CD86: variants seen among roughly 807,000 people sequenced by gnomAD.
CD86 encodes T-lymphocyte activation antigen CD86.
In CD86, 11 loss-of-function variants were observed where a neutral mutation model predicts 32.1. That is an observed-to-expected ratio of 0.34 (90% CI 0.22 to 0.57). CD86 has a LOEUF of 0.57. CD86 is among the 20% of genes least tolerant of loss of function. The pLI is 0.86. For missense variants in CD86, 359 were observed against 398.4 expected, an observed-to-expected ratio of 0.90 and a Z score of 0.84; for synonymous variants, 137 against 135.3, an observed-to-expected ratio of 1.01 and a Z score of -0.09.
intron 5 of CD86, among the ~76,000 whole-genome samples, chr3:122,115,191 C>A (rs2073231068): frequency 1.3e-5 from 2 of 151,982 alleles, no homozygotes; most frequent in South Asian, 4.2e-4. Flanking sequence ...AGTCAATACA[C>A]AAAATCAATT....
chr3:122,078,867 C>T (rs2072590574), intron 1 of CD86, among the ~76,000 whole-genome samples: 1 of 152,218 alleles, frequency 6.6e-6, no homozygotes, highest in African/African-American at 2.4e-5. Context: ...AATCTTGGGA[C>T]TAAGGCCCTG....
At position 122,103,830 on chromosome 3, in the gene CD86, C is replaced by T; in HGVS notation, c.383C>T (p.Ser128Phe). The T allele has an allele frequency of 6.2e-7, 1 of 1,613,270 alleles. No individual in the cohort carries two copies. The highest frequency in any genetic ancestry group is 8.5e-7 in the Non-Finnish European group (1 of 1,179,358). ...TGMIRIHQMN[S>F]ELSVLANFSQ... The stretch of plus-strand genomic sequence containing the variant: ...ATGATTCGCATCCACCAGATGAATT[C>T]TGAACTGTCAGTGCTTGGTATGTGG... Residue 128 changes from serine to phenylalanine, a missense_variant, in exon 3 of 7, where the codon TCT becomes TTT. Physicochemically the swap from Ser to Phe is radical, Grantham distance 155. Coordinates refer to ENST00000330540, the MANE Select transcript of CD86 (RefSeq NM_175862.5).
chr3:122,058,964 G>A (rs1204218132), intron 1 of CD86, among the ~76,000 whole-genome samples: 1 of 152,106 alleles, frequency 6.6e-6, no homozygotes, highest in Non-Finnish European at 1.5e-5. Flanking sequence ...TAGACACTGG[G>A]AGAGGAGGAG....
intron 2 of CD86, among the ~76,000 whole-genome samples, chr3:122,094,407 G>C (rs1013924275): frequency 1.3e-5 from 2 of 152,212 alleles, no homozygotes; most frequent in Non-Finnish European, 2.9e-5. Flanking sequence ...ATGGTGGTGA[G>C]AGAATAAGTG....
At chr3:122,091,774 C>T (rs956043932) in intron 2 of CD86, 124 bp downstream of exon 2, 34 of 751,930 alleles carry the variant, frequency 4.5e-5, no homozygotes, top group Non-Finnish European at 7.6e-5. Context: ...TTGTACAAGA[C>T]CACATGCAAA....
chr3:122,093,899 C>T (rs569548747), intron 2 of CD86, among the ~76,000 whole-genome samples: 54 of 152,332 alleles, frequency 3.5e-4, no homozygotes, highest in African/African-American at 1.2e-3. Flanking sequence ...TGGATTCACA[C>T]CCAGCAATGT....
chr3:122,084,741 T>C (rs1160967980), intron 1 of CD86, among the ~76,000 whole-genome samples: 1 of 152,170 alleles, frequency 6.6e-6, no homozygotes, highest in Non-Finnish European at 1.5e-5. Context: ...GTGAGGCTTC[T>C]TATGACCAAG....
chr3:122,089,871 C>T (rs955614169), intron 1 of CD86, among the ~76,000 whole-genome samples: 3 of 152,184 alleles, frequency 2.0e-5, no homozygotes, highest in African/African-American at 7.2e-5. Flanking sequence ...TGAGGATACT[C>T]GTTACATGCT....
At chr3:122,101,513 A>AAAAAAAATATATATAT (rs1202377219) in intron 2 of CD86, among the ~76,000 whole-genome samples, 1 of 46,334 alleles carries the variant, frequency 2.2e-5, no homozygotes, top group Non-Finnish European at 4.1e-5. Context: ...AAAAAAAAAA[A>AAAAAAAATATATATAT]ATATATATAT....
intron 1 of CD86, among the ~76,000 whole-genome samples, chr3:122,056,112 C>T (rs140357677): frequency 2.8e-4 from 43 of 152,218 alleles, no homozygotes; most frequent in African/African-American, 1.0e-3. Flanking sequence ...TTCACAATGA[C>T]TTTTGGAAAG....
At chr3:122,059,193 T>G (rs183120927) in intron 1 of CD86, among the ~76,000 whole-genome samples, 9 of 152,038 alleles carry the variant, frequency 5.9e-5, no homozygotes, top group Admixed American at 5.2e-4. Context: ...ACATGAAGAG[T>G]CTTCTGCATA....
intron 2 of CD86, among the ~76,000 whole-genome samples, chr3:122,097,993 C>T (rs1297594434): frequency 1.3e-5 from 2 of 152,056 alleles, no homozygotes; most frequent in Non-Finnish European, 2.9e-5. Flanking sequence ...TGATTGCAGC[C>T]CCCTTCAGAG....
intron 1 of CD86, among the ~76,000 whole-genome samples, chr3:122,060,765 T>C (rs1353566438): frequency 6.6e-6 from 1 of 152,186 alleles, no homozygotes; most frequent in Non-Finnish European, 1.5e-5. Context: ...GGATTTTGAG[T>C]GCACATAACA....
At chr3:122,078,021 T>C in intron 1 of CD86, 1 of 985,672 alleles carries the variant, frequency 1.0e-6, no homozygotes, top group Non-Finnish European at 1.2e-6. Context: ...TTTTTGGAGC[T>C]ACAGTGGACA....
rs1011413952 is a variant in CD86, at chr3:122,102,406, C to CTTTTTTTT, written c.65-1086_65-1079dup. On this transcript the variant is annotated intron_variant, in intron 2 of 6. Transcript: ENST00000330540. Reference sequence around the variant, plus strand: ...CGCACTTCTCACCCACCACTGCTTACTTTTTTTTTTTTTTTTTTTTTTTTT... The same window carrying CTTTTTTTT: ...CGCACTTCTCACCCACCACTGCTTACTTTTTTTTTTTTTTTTTTTTTTTTTTTTTTTTT... Among the ~76,000 whole-genome samples, 15 of 56,158 alleles carry CTTTTTTTT rather than the reference C, an allele frequency of 2.7e-4. 4 individuals are homozygous for CTTTTTTTT. The highest frequency in any genetic ancestry group is 1.0e-3 in the African/African-American group (12 of 12,042). 36.8% of individuals were successfully genotyped at this position (56,158 alleles called of 152,430 possible).
chr3:122,104,028 G>A (rs553921677), intron 3 of CD86, among the ~76,000 whole-genome samples, 181 bp downstream of exon 3: 36 of 152,200 alleles, frequency 2.4e-4, no homozygotes, highest in Middle Eastern at 6.8e-3. Flanking sequence ...TCTGGGAGTA[G>A]GGAACTGAAA....
At chr3:122,096,768 G>A (rs2681415) in intron 2 of CD86, among the ~76,000 whole-genome samples, 119,593 of 152,150 alleles carry the variant, frequency 0.79, 48,113 homozygotes, top group Non-Finnish European at 0.87. Flanking sequence ...CAGAATCCAT[G>A]CTATTAGTTA....
intron 1 of CD86, among the ~76,000 whole-genome samples, chr3:122,075,096 G>GA (rs893579027): frequency 7.4e-4 from 105 of 141,126 alleles, no homozygotes; most frequent in African/African-American, 9.6e-4. Context: ...CTTGACATGT[G>GA]AAAAAAAAAA....
chr3:122,091,837 A>C (rs2072828753), intron 2 of CD86, 187 bp downstream of exon 2: 1 of 596,860 alleles, frequency 1.7e-6, no homozygotes, highest in African/African-American at 1.8e-5. Context: ...AGCTGATGGC[A>C]GGCAGCTGGG....
Sources: allele counts gnomAD v4.1 joint callset (sites outside exome capture counted in the v4.1 genomes callset), GRCh38; gene constraint gnomAD v4.1.1; transcripts MANE v1.5; gene names NCBI Gene and HGNC (gene_info 2026-07-23, HGNC 2026-07-21).